The following AKAP9 variants were observed in gnomAD, a reference collection of about 807,000 sequenced individuals.
AKAP9 encodes A-kinase anchoring protein 9, also known as A-kinase anchor protein 9.
A neutral mutation model predicts 488.5 loss-of-function variants in AKAP9; 311 were observed. The ratio of observed to expected loss-of-function variants is 0.64; its 90% CI spans 0.58 to 0.70. The LOEUF is 0.70. AKAP9 is among the 30% of genes least tolerant of loss of function. AKAP9 has a pLI of 0.00. For synonymous variants in AKAP9, 1,462 were observed against 1,483.5 expected, an observed-to-expected ratio of 0.99 and a Z score of 0.33; for missense variants, 4,215 against 4,374.5, an observed-to-expected ratio of 0.96 and a Z score of 1.03.
Position 92,042,793 on chromosome 7 carries a change from T to A in AKAP9, c.5162+22T>A, listed in dbSNP as rs751191398. 11 of 1,479,862 alleles carry A rather than the reference T, an allele frequency of 7.4e-6. No individual in the cohort carries two copies. The African/African-American group carries it at 1.5e-4, about 21-fold the overall frequency. The allele number at this position is 1,479,862 out of a possible 1,614,324, so 91.7% of individuals were successfully genotyped here. A position where few individuals can be genotyped will look rare whatever the true frequency, so the allele number is the denominator to read the frequency against. ...AAAGGTATACAAAATGTGTACTTTTTCAGTGCAAAGTAAATTAAAATGGTT... is the reference window on the plus strand; with the variant it reads ...AAAGGTATACAAAATGTGTACTTTTACAGTGCAAAGTAAATTAAAATGGTT... On this transcript the variant is annotated intron_variant, in intron 20 of 49. Coordinates refer to ENST00000356239, the MANE Select transcript of AKAP9 (RefSeq NM_005751.5).
In AKAP9 at chr7:92,076,731, C is replaced by G. The variant is rs78893470; in HGVS notation, c.6613-124C>G. On this transcript the variant is annotated intron_variant, in intron 28 of 49. Coordinates refer to ENST00000356239, the MANE Select transcript of AKAP9 (RefSeq NM_005751.5). ...TACCTGGCTTAGAAAAACCACATTC[C>G]TTTATTCTTATGACTCATGTTTTAA... 5.2e-3 allele frequency: 2,991 copies of G among 572,346 alleles called. 74 individuals carry two copies. The highest frequency in any genetic ancestry group is 0.05 in the African/African-American group (2,600 of 52,488). 35.5% of individuals were successfully genotyped at this position (572,346 alleles called of 1,614,324 possible).
intron 3 of AKAP9, among the ~76,000 whole-genome samples, chr7:91,990,175 C>T (rs1278756663): frequency 6.6e-6 from 1 of 151,928 alleles, no homozygotes; most frequent in East Asian, 1.9e-4. Flanking sequence ...AGAAGTTGAG[C>T]TTTTTTCAGT....
intron 16 of AKAP9, among the ~76,000 whole-genome samples, chr7:92,033,293 C>T (rs1366144274): frequency 1.3e-5 from 2 of 151,880 alleles, no homozygotes; most frequent in African/African-American, 4.8e-5. Context: ...TACTGTGGTC[C>T]AAGAGATTAT....
At chr7:92,027,658 G>T (rs1259000621) in intron 14 of AKAP9, among the ~76,000 whole-genome samples, 42 of 141,688 alleles carry the variant, frequency 3.0e-4, no homozygotes, top group Non-Finnish European at 5.3e-4. Context: ...CTGCCTGGCC[G>T]CCCCGTCTGG....
chr7:92,045,148 G>A lies in AKAP9; in HGVS notation c.5303G>A (p.Ser1768Asn), dbSNP rs1584296562. ...TCTAGTAAAAGCCAGTCATCTGCCA[G>A]CCTAATTTGGAGGTCAGAAGCAGAG... The part of the protein sequence containing the change: ...DRSSKSQSSA[S>N]LIWRSEAEAS... The change falls in exon 21 of 50, where the codon AGC becomes AAC. Residue 1768 changes from serine (S) to asparagine (N), a missense_variant. Coordinates refer to ENST00000356239, the MANE Select transcript of AKAP9 (RefSeq NM_005751.5). 10 of 1,613,656 alleles carry A rather than the reference G, an allele frequency of 6.2e-6. No homozygotes were observed. The East Asian group carries it at 2.2e-4, about 36-fold the overall frequency.
At chr7:92,068,365 CAAAAAAAAAAAA>C (rs77237109) in intron 26 of AKAP9, among the ~76,000 whole-genome samples, 10 of 46,530 alleles carry the variant, frequency 2.1e-4, no homozygotes, top group African/African-American at 6.5e-4. Flanking sequence ...GACTCCGTCT[CAAAAAAAAAAAA>C]AAAAAAAAAA....
chr7:92,060,231 C>T (rs1177927349), intron 22 of AKAP9, among the ~76,000 whole-genome samples: 1 of 151,924 alleles, frequency 6.6e-6, no homozygotes, highest in Non-Finnish European at 1.5e-5. Context: ...AATTAGAAAC[C>T]ACTACATTTG....
Position 92,085,631 on chromosome 7 carries a change from C to T in AKAP9, c.8969C>T (p.Thr2990Ile). ...GAAGAGAGAAAAGCTTACATCAATA[C>T]AATCTCATCTCTAAAGGATTTAATT... ...WLEERKAYIN[T>I]ISSLKDLITK... The change falls in exon 36 of 50, where the codon ACA becomes ATA. Residue 2990 changes from threonine to isoleucine, a missense_variant. Around this residue, in one of 5 missense-constraint regions of AKAP9, gnomAD observed 1,476 missense variants for 1,477.4 expected, o/e 1.00. Transcript: ENST00000356239. 6.2e-7 allele frequency: 1 copy of T among 1,613,828 alleles called. No individual in the cohort carries two copies. Among genetic ancestry groups the T allele is most frequent in the Non-Finnish European group, 8.5e-7 (1 of 1,179,882 alleles).
At chr7:91,956,216 C>CG in intron 1 of AKAP9, among the ~76,000 whole-genome samples, 1 of 151,572 alleles carries the variant, frequency 6.6e-6, no homozygotes, top group Non-Finnish European at 1.5e-5. Flanking sequence ...CTGGCTAGCA[C>CG]GGTGAAACCC....
intron 22 of AKAP9, among the ~76,000 whole-genome samples, chr7:92,054,043 A>G (rs994876314): frequency 6.6e-6 from 1 of 152,206 alleles, no homozygotes; most frequent in African/African-American, 2.4e-5. Flanking sequence ...AAAAAGTTAT[A>G]AAAATGAAGT....
At chr7:92,026,177 C>A (rs1014286567) in intron 14 of AKAP9, among the ~76,000 whole-genome samples, 1 of 152,148 alleles carries the variant, frequency 6.6e-6, no homozygotes, top group Non-Finnish European at 1.5e-5. Flanking sequence ...ATAGGAAAAT[C>A]AACAGGGGTT....
At chr7:92,038,857 A>T in intron 17 of AKAP9, 85 bp downstream of exon 17, 1 of 926,640 alleles carries the variant, frequency 1.1e-6, no homozygotes, top group South Asian at 1.6e-5. Flanking sequence ...AGTGCTGCTT[A>T]ATGTTTGGAG....
Position 92,079,344 on chromosome 7 carries a change from C to T in AKAP9, c.7211C>T (p.Thr2404Ile), listed in dbSNP as rs755642764. ...CTGGCCTTGGAACAGCAAGTAGAAA[C>T]CGCTAATGAAGAAATGACCTTCATG... The part of the protein sequence containing the change: ...EKLALEQQVE[T>I]ANEEMTFMKN... The change falls in exon 31 of 50, where the codon ACC becomes ATC. Residue 2404 changes from threonine (T) to isoleucine (I), a missense_variant. Thr to Ile is a moderately conservative substitution (Grantham distance 89). This residue lies in a region of AKAP9 where 1,476 missense variants were observed against 1,477.4 expected (regional missense o/e 1.00). Coordinates refer to ENST00000356239, the MANE Select transcript of AKAP9 (RefSeq NM_005751.5). The T allele has an allele frequency of 3.7e-6, 6 of 1,613,844 alleles. No individual in the cohort carries two copies. Among genetic ancestry groups the T allele is most frequent in the Non-Finnish European group, 5.1e-6 (6 of 1,179,994 alleles).
At position 91,940,990 on chromosome 7, in the gene AKAP9, G is replaced by T; in HGVS notation, c.-110G>T. 2 of 1,153,002 alleles carry T rather than the reference G, an allele frequency of 1.7e-6. No individual in the cohort carries two copies. Among genetic ancestry groups the T allele is most frequent in the Non-Finnish European group, 2.6e-6 (2 of 761,638 alleles). The allele number at this position is 1,153,002 out of a possible 1,614,324, so 71.4% of individuals were successfully genotyped here. ...GGCGGGGGAGCGCCGGACCGAATCGGCTCTCTAGGCCGTGGAGCTTGCCGT... is the reference window on the plus strand; with the variant it reads ...GGCGGGGGAGCGCCGGACCGAATCGTCTCTCTAGGCCGTGGAGCTTGCCGT... On this transcript the variant is annotated 5_prime_UTR_variant, in exon 1 of 50. Transcript: ENST00000356239.
intron 1 of AKAP9, among the ~76,000 whole-genome samples, chr7:91,944,571 G>A (rs533593310): frequency 1.3e-5 from 2 of 152,048 alleles, no homozygotes; most frequent in African/African-American, 4.8e-5. Flanking sequence ...ATTTTTAGTA[G>A]AGATGGGGTT....
At chr7:92,020,799 C>T (rs1802214696) in intron 12 of AKAP9, among the ~76,000 whole-genome samples, 1 of 152,170 alleles carries the variant, frequency 6.6e-6, no homozygotes, top group Non-Finnish European at 1.5e-5. Context: ...TCCCTGGGAA[C>T]TAAGAGGCAA....
At chr7:91,958,016 A>G (rs1383374747) in intron 1 of AKAP9, among the ~76,000 whole-genome samples, 1 of 152,154 alleles carries the variant, frequency 6.6e-6, no homozygotes, top group Non-Finnish European at 1.5e-5. Flanking sequence ...AGTAGTGACT[A>G]CATTCAGGAA....
At chr7:91,975,741 A>G (rs1163655346) in intron 2 of AKAP9, among the ~76,000 whole-genome samples, 1 of 151,892 alleles carries the variant, frequency 6.6e-6, no homozygotes, top group Non-Finnish European at 1.5e-5. Context: ...TTTTTTAACC[A>G]TTGAGTTTTA....
At chr7:91,989,206 GT>G (rs1451832787) in intron 3 of AKAP9, among the ~76,000 whole-genome samples, 1 of 152,028 alleles carries the variant, frequency 6.6e-6, no homozygotes, top group Non-Finnish European at 1.5e-5. Flanking sequence ...TTTGTAAATT[GT>G]ATTTATTTAG....
Sources: gnomAD v4.1 joint callset for allele counts (sites outside exome capture counted in the v4.1 genomes callset) on GRCh38, gnomAD v4.1.1 for gene constraint, gnomAD v4.1.1 regional missense constraint, MANE v1.5 for transcripts, NCBI Gene and HGNC (gene_info 2026-07-23, HGNC 2026-07-21) for gene names.